The following AARS1 variants were observed in gnomAD, a reference collection of about 807,000 sequenced individuals.
AARS1 encodes the protein alanyl-tRNA synthetase 1, also known as alanine--tRNA ligase, cytoplasmic.
In AARS1, 72 loss-of-function variants were observed where a neutral mutation model predicts 108.9. The ratio of observed to expected loss-of-function variants is 0.66; its 90% confidence interval spans 0.55 to 0.80. The LOEUF is 0.80. Ranked by LOEUF, AARS1 falls within the 30% of genes least tolerant of loss-of-function variation. The pLI is 0.00. For missense variants in AARS1, 1,193 were observed against 1,233.2 expected (o/e 0.97, Z 0.49); for synonymous variants, 489 against 465.7 (o/e 1.05, Z -0.64).
chr16:70,271,883 A>C lies in AARS1; in HGVS notation c.569T>G (p.Ile190Ser). The C allele has an allele frequency of 1.9e-6, 3 of 1,614,114 alleles. No homozygotes were observed. Among genetic ancestry groups the C allele is most frequent in the Non-Finnish European group, 2.5e-6 (3 of 1,180,020 alleles). ...CCGACCACCAATCCGGTCGTAGTGG[A>C]TCTCACTGCAAGGACCACAGGGGCC... ...DTGPCGPCSE[I>S]HYDRIGGRDA... The change falls in exon 5 of 21, where the codon ATC (isoleucine) becomes AGC (serine). Residue 190 changes from isoleucine (I) to serine (S), a missense_variant. Coordinates refer to ENST00000261772, the MANE Select transcript of AARS1 (RefSeq NM_001605.3).
intron 13 of AARS1, 89 bp from the exon 14 acceptor site, chr16:70,259,275 T>C: frequency 1.5e-6 from 2 of 1,341,032 alleles, no homozygotes; most frequent in Non-Finnish European, 2.1e-6. Flanking sequence ...CTACAATTTT[T>C]AGTTGGAAAT....
intron 15 of AARS1, among the ~76,000 whole-genome samples, chr16:70,256,810 A>G (rs1001461678): frequency 1.3e-5 from 2 of 151,970 alleles, no homozygotes; most frequent in Non-Finnish European, 2.9e-5. Context: ...GGTCTCAACC[A>G]TGACATTAAG....
chr16:70,287,254 C>CAAAA (rs71151181), intron 1 of AARS1, among the ~76,000 whole-genome samples: 17 of 39,434 alleles, frequency 4.3e-4, no homozygotes, highest in African/African-American at 1.1e-3. Context: ...GACTCCGTCT[C>CAAAA]AAAAAAAAAA....
chr16:70,279,805 G>C (rs1429505233), intron 2 of AARS1, among the ~76,000 whole-genome samples: 1 of 151,962 alleles, frequency 6.6e-6, no homozygotes, highest in Non-Finnish European at 1.5e-5. Flanking sequence ...TGTTCCAAAA[G>C]CCTATCCCGT....
rs955702969 is a variant in AARS1, at chr16:70,253,398, G to A, written c.2608-17C>T. The A allele has an allele frequency of 1.0e-5, 16 of 1,587,102 alleles. No individual in the cohort carries two copies. Among genetic ancestry groups the A allele is most frequent in the Middle Eastern group, 1.7e-4 (1 of 6,030 alleles). ...ATTCAGGGCCTGTGGGGAGGACCTG[G>A]CTCAGGCCACGGTGCTGGAGCAGGG... is the stretch of plus-strand genomic sequence containing the variant. On this transcript the variant is annotated splice_polypyrimidine_tract_variant and intron_variant, in intron 19 of 20. Transcript: ENST00000261772.
At chr16:70,262,025 T>C (rs1960144042) in intron 12 of AARS1, among the ~76,000 whole-genome samples, 1 of 152,144 alleles carries the variant, frequency 6.6e-6, no homozygotes, top group South Asian at 2.1e-4. Flanking sequence ...GGAGACAAAG[T>C]AACTCATTCA....
At chr16:70,259,546 G>A (rs369072604) in intron 13 of AARS1, among the ~76,000 whole-genome samples, 2 of 152,088 alleles carry the variant, frequency 1.3e-5, no homozygotes, top group Non-Finnish European at 2.9e-5. Flanking sequence ...ACAGCGGCGC[G>A]ATTGTAGCTC....
chr16:70,252,552 G>C lies in AARS1; in HGVS notation c.*169C>G, dbSNP rs554221793. The C allele has an allele frequency of 4.2e-5, 30 of 717,290 alleles. No individual in the cohort carries two copies. Among genetic ancestry groups the C allele is most frequent in the Non-Finnish European group, 7.1e-5 (30 of 420,612 alleles). 44.4% of individuals were successfully genotyped at this position (717,290 alleles called of 1,614,324 possible). A position where few individuals can be genotyped will look rare whatever the true frequency, so the allele number is the denominator to read the frequency against. On this transcript the variant is annotated 3_prime_UTR_variant, in exon 21 of 21. Coordinates refer to ENST00000261772, the MANE Select transcript of AARS1 (RefSeq NM_001605.3). Reference sequence around the variant, plus strand: ...CGATGGCACTGACGTGGAGGGCTCAGGGCAGAAATTTAAGGGGCACTGAGA... The same window carrying C: ...CGATGGCACTGACGTGGAGGGCTCACGGCAGAAATTTAAGGGGCACTGAGA...
chr16:70,280,653 G>A (rs968381335), intron 2 of AARS1, among the ~76,000 whole-genome samples: 5 of 152,186 alleles, frequency 3.3e-5, no homozygotes, highest in East Asian at 1.9e-4. Flanking sequence ...ACAGGAAAGC[G>A]CTGAGAGCAC....
At chr16:70,288,095 C>CTT (rs1258709609) in intron 1 of AARS1, among the ~76,000 whole-genome samples, 2 of 108,446 alleles carry the variant, frequency 1.8e-5, no homozygotes, top group African/African-American at 7.9e-5. Flanking sequence ...CCTTCCCCTT[C>CTT]TTCTTTTTTT....
Sources: gnomAD v4.1 joint callset for allele counts (sites outside exome capture counted in the v4.1 genomes callset) on GRCh38, gnomAD v4.1.1 for gene constraint, MANE v1.5 for transcripts, NCBI Gene and HGNC (gene_info 2026-07-23, HGNC 2026-07-21) for gene names.